The following SNX2 variants were observed in gnomAD, a reference collection of about 807,000 sequenced individuals.
SNX2 encodes sorting nexin 2.
SNX2 carries 25 observed loss-of-function variants against 69.9 expected under a neutral mutation model. The ratio of observed to expected loss-of-function variants is 0.36; its 90% CI spans 0.26 to 0.50. The LOEUF (loss-of-function observed/expected upper bound fraction) is 0.50. Ranked by LOEUF, SNX2 falls within the 20% of genes least tolerant of loss-of-function variation. SNX2 has a pLI of 0.97. For synonymous variants in SNX2, 229 were observed against 200.4 expected, an observed-to-expected ratio of 1.14 and a Z score of -1.20; for missense variants, 551 against 613.3, an observed-to-expected ratio of 0.90 and a Z score of 1.07.
chr5:122,778,653 C>G (rs545073936), intron 1 of SNX2, among the ~76,000 whole-genome samples: 1 of 152,068 alleles, frequency 6.6e-6, no homozygotes, highest in Non-Finnish European at 1.5e-5. Flanking sequence ...GGACTACAGG[C>G]GTGCACCACC....
Position 122,785,918 on chromosome 5 carries a change from C to T in SNX2, c.109-9348C>T, listed in dbSNP as rs111812466. On this transcript the variant is annotated intron_variant, in intron 1 of 14. Transcript: ENST00000379516. ...TTGGTTGATATTTTTCTGTCTTTCCCTGTTACCTATTTACTTGTTTTATCA... is the reference window on the plus strand; with the variant it reads ...TTGGTTGATATTTTTCTGTCTTTCCTTGTTACCTATTTACTTGTTTTATCA... Among the ~76,000 whole-genome samples, 852 of 152,264 alleles carry T rather than the reference C, an allele frequency of 5.6e-3. 4 individuals are homozygous for T. The highest frequency in any genetic ancestry group is 8.2e-3 in the Non-Finnish European group (559 of 68,016).
chr5:122,808,064 C>G (rs1753693782), intron 6 of SNX2, among the ~76,000 whole-genome samples: 1 of 152,114 alleles, frequency 6.6e-6, no homozygotes, highest in Non-Finnish European at 1.5e-5. Context: ...TTTATCTGTT[C>G]TCTCATGTTT....
At chr5:122,806,805 G>A (rs1753668738) in intron 6 of SNX2, among the ~76,000 whole-genome samples, 1 of 151,878 alleles carries the variant, frequency 6.6e-6, no homozygotes, top group Non-Finnish European at 1.5e-5. Flanking sequence ...AGTTTTAGGT[G>A]TCTTATTTTC....
At chr5:122,777,034 T>G (rs1317435712) in intron 1 of SNX2, among the ~76,000 whole-genome samples, 1 of 152,142 alleles carries the variant, frequency 6.6e-6, no homozygotes, top group Non-Finnish European at 1.5e-5. Context: ...ATTTGTAAAG[T>G]CAGATTTTTT....
At chr5:122,779,235 T>A (rs1028381077) in intron 1 of SNX2, among the ~76,000 whole-genome samples, 1 of 152,220 alleles carries the variant, frequency 6.6e-6, no homozygotes, top group Non-Finnish European at 1.5e-5. Context: ...TTCACAGATA[T>A]GCCCAACATC....
Position 122,829,935 on chromosome 5 carries a change from T to G in SNX2, c.*287T>G. Reference sequence around the variant, plus strand: ...TGTCTTAAATACTTGCACTAAATAGTGCACTGCAAGACCAGAAAATTTTAC... The same window carrying G: ...TGTCTTAAATACTTGCACTAAATAGGGCACTGCAAGACCAGAAAATTTTAC... On this transcript the variant is annotated 3_prime_UTR_variant, in exon 15 of 15. Transcript: ENST00000379516. The G allele has an allele frequency of 2.5e-6, 1 of 394,544 alleles. No homozygotes were observed. The highest frequency in any genetic ancestry group is 4.6e-6 in the Non-Finnish European group (1 of 215,986). The allele number at this position is 394,544 out of a possible 1,614,324, so 24.4% of individuals were successfully genotyped here.
chr5:122,798,306 T>C (rs1359429162), intron 2 of SNX2, among the ~76,000 whole-genome samples: 1 of 152,190 alleles, frequency 6.6e-6, no homozygotes, highest in Non-Finnish European at 1.5e-5. Context: ...TCAACATATA[T>C]AGTCCATTTT....
At chr5:122,786,495 A>G (rs1409632822) in intron 1 of SNX2, among the ~76,000 whole-genome samples, 1 of 151,958 alleles carries the variant, frequency 6.6e-6, no homozygotes, top group Non-Finnish European at 1.5e-5. Context: ...ATATTTAAAT[A>G]TATATTTTAG....
intron 7 of SNX2, among the ~76,000 whole-genome samples, chr5:122,812,859 G>A (rs1467348659): frequency 2.6e-5 from 4 of 152,058 alleles, no homozygotes; most frequent in Non-Finnish European, 5.9e-5. Context: ...CTCCCATTAT[G>A]TGCATTTGTG....
At chr5:122,811,146 A>G (rs1458356710) in intron 7 of SNX2, among the ~76,000 whole-genome samples, 2 of 152,210 alleles carry the variant, frequency 1.3e-5, no homozygotes, top group East Asian at 3.8e-4. Flanking sequence ...CAATAGTATG[A>G]TATTTACGTA....
chr5:122,788,143 A>G (rs2150002464), intron 1 of SNX2, among the ~76,000 whole-genome samples: 1 of 152,282 alleles, frequency 6.6e-6, no homozygotes, highest in South Asian at 2.1e-4. Context: ...CCTGGAGGAT[A>G]TTTTCACTGT....
rs1754341883 is a variant in SNX2, at chr5:122,833,500, T to G, written c.*3852T>G. On this transcript the variant is annotated 3_prime_UTR_variant, in exon 15 of 15. Coordinates refer to ENST00000379516, the MANE Select transcript of SNX2 (RefSeq NM_003100.4). ...CCAATATATTGAAGTTATAAGATAT[T>G]TTACATTCTTTTTTTGATATCTGAT... 1 of 152,146 alleles carries G rather than the reference T, an allele frequency of 6.6e-6. No homozygotes were observed. Among genetic ancestry groups the G allele is most frequent in the Non-Finnish European group, 1.5e-5 (1 of 68,022 alleles). 9.4% of individuals were successfully genotyped at this position (152,146 alleles called of 1,614,324 possible).
chr5:122,826,096 C>T lies in SNX2; in HGVS notation c.1259C>T (p.Ala420Val), dbSNP rs769364783. 2.4e-5 allele frequency: 39 copies of T among 1,613,124 alleles called. No individual in the cohort carries two copies. The highest frequency in any genetic ancestry group is 3.2e-5 in the Non-Finnish European group (38 of 1,179,364). The change falls in exon 12 of 15, where the codon GCT becomes GTT. Residue 420 changes from alanine to valine, a missense_variant. This residue lies in a region of SNX2 where 360 missense variants were observed against 450.4 expected (regional missense o/e 0.80). Transcript: ENST00000379516. ...RMKCWQKWED[A>V]QITLLKKREA... ...AAGTGCTGGCAGAAATGGGAAGATG[C>T]TCAAATTACTTTGCTCAAAAAACGT...
At chr5:122,796,812 G>T (rs562461498) in intron 2 of SNX2, among the ~76,000 whole-genome samples, 1 of 151,930 alleles carries the variant, frequency 6.6e-6, no homozygotes, top group Non-Finnish European at 1.5e-5. Flanking sequence ...AACTGTGTCT[G>T]TGTGTGTTTG....
intron 8 of SNX2, 35 bp from the exon 9 acceptor site, chr5:122,816,880 C>A (rs1217384174): frequency 2.3e-6 from 3 of 1,327,776 alleles, no homozygotes; most frequent in Non-Finnish European, 3.2e-6. Flanking sequence ...GGCTTTTAAC[C>A]GGTTTGTTTG....
At chr5:122,827,502 A>G (rs756130319) in intron 13 of SNX2, 43 bp downstream of exon 13, 1 of 1,603,974 alleles carries the variant, frequency 6.2e-7, no homozygotes, top group Admixed American at 1.7e-5. Context: ...ACATGGTCAC[A>G]TTTTGCTGCA....
rs551665868 is a variant in SNX2, at chr5:122,817,178, T to TA, written c.913-100dup. ...CAGTTGGCCACCATGGTTATAAGGT[T>TA]AATTTGTTGCTTTAAAACAAGGAAT... is the stretch of plus-strand genomic sequence containing the variant. On this transcript the variant is annotated intron_variant, in intron 9 of 14. Transcript: ENST00000379516. 3 of 1,250,260 alleles carry TA rather than the reference T, an allele frequency of 2.4e-6. No individual in the cohort carries two copies. In the East Asian group the frequency reaches 7.0e-5, roughly 29 times the overall value. The allele number at this position is 1,250,260 out of a possible 1,614,324, so 77.4% of individuals were successfully genotyped here.
At chr5:122,827,714 A>G in intron 14 of SNX2, 68 bp downstream of exon 14, 1 of 1,098,822 alleles carries the variant, frequency 9.1e-7, no homozygotes, top group Non-Finnish European at 1.4e-6. Flanking sequence ...TATTTTAAAA[A>G]GATGATTAAT....
At chr5:122,806,267 T>G (rs996476869) in intron 6 of SNX2, among the ~76,000 whole-genome samples, 1 of 152,006 alleles carries the variant, frequency 6.6e-6, no homozygotes, top group Non-Finnish European at 1.5e-5. Flanking sequence ...AATAGTAATA[T>G]GAAGCCAAGC....
Sources: gnomAD v4.1 joint callset for allele counts (sites outside exome capture counted in the v4.1 genomes callset) on GRCh38, gnomAD v4.1.1 for gene constraint, gnomAD v4.1.1 regional missense constraint, MANE v1.5 for transcripts, NCBI Gene and HGNC (gene_info 2026-07-23, HGNC 2026-07-21) for gene names.